Variants in ARHGEF40 observed in about 807,000 individuals in gnomAD.
ARHGEF40 encodes the protein Rho guanine nucleotide exchange factor 40.
Under a neutral mutation model 165.9 loss-of-function variants are expected in ARHGEF40, and 98 were observed. The ratio of observed to expected loss-of-function variants is 0.59; its 90% CI spans 0.50 to 0.70. The LOEUF (loss-of-function observed/expected upper bound fraction) is 0.70, where lower values mean the gene tolerates loss of function less well. Ranked by LOEUF, ARHGEF40 falls within the 30% of genes least tolerant of loss-of-function variation. The pLI, the probability that ARHGEF40 is intolerant of heterozygous loss-of-function variation, is 0.00. For synonymous variants in ARHGEF40, 792 were observed against 814.3 expected, an observed-to-expected ratio of 0.97 and a Z score of 0.47; for missense variants, 1,815 against 1,968.0, an observed-to-expected ratio of 0.92 and a Z score of 1.47.
chr14:21,084,510 G>A (rs1696502323), intron 17 of ARHGEF40, among the ~76,000 whole-genome samples: 1 of 152,102 alleles, frequency 6.6e-6, no homozygotes, highest in African/African-American at 2.4e-5. Context: ...TTCCCCACAG[G>A]TGGCTATAAA....
At chr14:21,086,904 A>G (rs7342537) in intron 19 of ARHGEF40, 97 bp from the exon 20 acceptor site, 16,469 of 965,532 alleles carry the variant, frequency 0.017, 260 homozygotes, top group East Asian at 0.031. Context: ...ATTGGGAAGG[A>G]ACGAAAAAAA....
Position 21,075,139 on chromosome 14 carries a change from G to A in ARHGEF40, c.1409G>A (p.Gly470Glu). The A allele has an allele frequency of 6.2e-7, 1 of 1,610,726 alleles. No homozygotes were observed. Among genetic ancestry groups the A allele is most frequent in the Middle Eastern group, 1.8e-4 (1 of 5,646 alleles). Residue 470 changes from glycine to glutamate, a missense_variant, in exon 3 of 24, where the codon GGA (glycine) becomes GAA (glutamate). By Grantham distance (98) the Gly-to-Glu change is moderately conservative. Coordinates refer to ENST00000298694, the MANE Select transcript of ARHGEF40 (RefSeq NM_018071.5). The surrounding 1 kb of genome is among the most constrained non-coding windows in gnomAD (Gnocchi z 4.5). ...TGTGGGCCTACAGAAGAGGGGGCCG[G>A]AGAGAGAGAGCTGGAGGGGCCAGGC... ...EACGPTEEGA[G>E]ERELEGPGLL...
Position 21,089,204 on chromosome 14 carries a change from T to C in ARHGEF40, c.*196T>C. The C allele has an allele frequency of 3.5e-6, 1 of 285,720 alleles. No individual in the cohort carries two copies. Among genetic ancestry groups the C allele is most frequent in the Non-Finnish European group, 6.6e-6 (1 of 152,458 alleles). 17.7% of individuals were successfully genotyped at this position (285,720 alleles called of 1,614,324 possible). ...GTCTCCCTAGCTTGGTGCCTTCTCC[T>C]GCAGGAGTCAGAGCAGCCACATTGC... On this transcript the variant is annotated 3_prime_UTR_variant, in exon 24 of 24. Transcript: ENST00000298694.
chr14:21,063,273 G>A, the ARHGEF40 span, among the ~76,000 whole-genome samples: 1 of 152,162 alleles, frequency 6.6e-6, no homozygotes, highest in African/African-American at 2.4e-5. Context: ...TTCAGGGTGA[G>A]GAAGTAAAGT....
intron 18 of ARHGEF40, among the ~76,000 whole-genome samples, chr14:21,085,313 G>T (rs1026988526): frequency 2.6e-5 from 4 of 152,182 alleles, no homozygotes; most frequent in Non-Finnish European, 5.9e-5. Flanking sequence ...TTGATATCCA[G>T]ATAAGCATTT....
intron 11 of ARHGEF40, among the ~76,000 whole-genome samples, chr14:21,080,216 AC>A (rs1887774022): frequency 7.4e-6 from 1 of 135,464 alleles, no homozygotes; most frequent in Non-Finnish European, 1.6e-5. Flanking sequence ...ACACACACAC[AC>A]ACACACACAC....
At chr14:21,080,636 G>A (rs1465388075) in intron 11 of ARHGEF40, 24 bp from the exon 12 acceptor site, 1 of 1,599,258 alleles carries the variant, frequency 6.3e-7, no homozygotes, top group Admixed American at 1.7e-5. Context: ...ATGACCCCCT[G>A]CCCTCCCACC....
Position 21,070,839 on chromosome 14 carries a change from C to T in ARHGEF40, c.3+440C>T. ...TCATGAGAACTGACCTGCATGGAACCACCATTTTCCATCCCTGTCCCCAAC... is the reference window on the plus strand; with the variant it reads ...TCATGAGAACTGACCTGCATGGAACTACCATTTTCCATCCCTGTCCCCAAC... On this transcript the variant is annotated intron_variant, in intron 1 of 23. Coordinates refer to ENST00000298694, the MANE Select transcript of ARHGEF40 (RefSeq NM_018071.5). This position sits in a 1 kb window ranked among gnomAD's most constrained non-coding sequence, Gnocchi z 4.7. 1 of 1,535,622 alleles carries T rather than the reference C, an allele frequency of 6.5e-7. No homozygotes were observed. Among genetic ancestry groups the T allele is most frequent in the Non-Finnish European group, 8.7e-7 (1 of 1,146,834 alleles).
At chr14:21,087,175 G>GT in intron 20 of ARHGEF40, 70 bp downstream of exon 20, 1 of 1,591,256 alleles carries the variant, frequency 6.3e-7, no homozygotes, top group Non-Finnish European at 8.6e-7. Context: ...CAAAGGGGAG[G>GT]TATGGTGGAA....
chr14:21,087,605 G>T, intron 21 of ARHGEF40, 142 bp downstream of exon 21: 3 of 1,227,838 alleles, frequency 2.4e-6, no homozygotes, highest in Non-Finnish European at 3.3e-6. Flanking sequence ...ACCGCTAAAA[G>T]AGCCTTCCAT....
rs1886717636 is a variant in ARHGEF40 at position 21,070,763 on chromosome 14, C to T, written c.3+364C>T. On this transcript the variant is annotated intron_variant, in intron 1 of 23. Coordinates refer to ENST00000298694, the MANE Select transcript of ARHGEF40 (RefSeq NM_018071.5). The surrounding 1 kb of genome is among the most constrained non-coding windows in gnomAD (Gnocchi z 4.7). ...GTCCGAGCTCCTTACCCGCGGGAGA[C>T]CCCTGCGGGTTGGTCCTGCAGCGAC... The T allele has an allele frequency of 4.6e-6, 7 of 1,512,314 alleles. No individual in the cohort carries two copies. The highest frequency in any genetic ancestry group is 6.2e-6 in the Non-Finnish European group (7 of 1,126,450). The allele number at this position is 1,512,314 out of a possible 1,614,324, so 93.7% of individuals were successfully genotyped here. A position where few individuals can be genotyped will look rare whatever the true frequency, so the allele number is the denominator to read the frequency against.
At chr14:21,085,633 C>T (rs1455699592) in intron 18 of ARHGEF40, 56 bp from the exon 19 acceptor site, 22 of 1,568,774 alleles carry the variant, frequency 1.4e-5, no homozygotes, top group Admixed American at 1.1e-4. Flanking sequence ...TGCCATGTGG[C>T]GCCACCCAGC....
chr14:21,082,240 G>T lies in ARHGEF40; in HGVS notation c.3252-4G>T. 6.2e-7 allele frequency: 1 copy of T among 1,603,908 alleles called. No individual in the cohort carries two copies. The highest frequency in any genetic ancestry group is 8.5e-7 in the Non-Finnish European group (1 of 1,173,004). ...CTCCTCTGCCACTCCTATTGTGCCT[G>T]CAGTGCCCAGCAGCGGCTGGTGTCT... is the stretch of plus-strand genomic sequence containing the variant. On this transcript the variant is annotated splice_region_variant and splice_polypyrimidine_tract_variant and intron_variant, in intron 14 of 23. Coordinates refer to ENST00000298694, the MANE Select transcript of ARHGEF40 (RefSeq NM_018071.5).
rs374181422 is a variant in ARHGEF40 at position 21,082,231 on chromosome 14, A to G, written c.3252-13A>G. 382 of 1,600,050 alleles carry G rather than the reference A, an allele frequency of 2.4e-4. 2 individuals carry two copies. The highest frequency in any genetic ancestry group is 2.2e-4 in the Non-Finnish European group (253 of 1,170,546). ...CTCCCACACCTCCTCTGCCACTCCTATTGTGCCTGCAGTGCCCAGCAGCGG... is the reference window on the plus strand; with the variant it reads ...CTCCCACACCTCCTCTGCCACTCCTGTTGTGCCTGCAGTGCCCAGCAGCGG... On this transcript the variant is annotated splice_polypyrimidine_tract_variant and intron_variant, in intron 14 of 23. Transcript: ENST00000298694.
At chr14:21,078,297 G>A in intron 9 of ARHGEF40, 25 bp downstream of exon 9, 4 of 1,611,246 alleles carry the variant, frequency 2.5e-6, no homozygotes, top group Non-Finnish European at 3.4e-6. Context: ...GGGACAGTGG[G>A]GGGATGGGAT....
chr14:21,065,998 C>T (rs1886242656), upstream of ARHGEF40, among the ~76,000 whole-genome samples: 2 of 152,184 alleles, frequency 1.3e-5, no homozygotes, highest in South Asian at 4.1e-4. Context: ...ACTTGGGAAG[C>T]TGAGGCACCA....
Position 21,080,743 on chromosome 14 carries a change from G to C in ARHGEF40, c.2457G>C (p.Glu819Asp). ...MPGDTLSALQ[E>D]TELRFRAFSA... Reference sequence around the variant, plus strand: ...GGGACACCTTGTCTGCCCTGCAGGAGACAGAGCTGCGATTCCGTGCTTTCA... The same window carrying C: ...GGGACACCTTGTCTGCCCTGCAGGACACAGAGCTGCGATTCCGTGCTTTCA... Residue 819 changes from glutamate to aspartate, a missense_variant, in exon 12 of 24, where the codon GAG becomes GAC. By Grantham distance (45) the Glu-to-Asp change is conservative. Coordinates refer to ENST00000298694, the MANE Select transcript of ARHGEF40 (RefSeq NM_018071.5). The C allele has an allele frequency of 6.2e-7, 1 of 1,611,346 alleles. No individual in the cohort carries two copies. Among genetic ancestry groups the C allele is most frequent in the Non-Finnish European group, 8.5e-7 (1 of 1,178,480 alleles).
chr14:21,079,057 C>T (rs1887665042), intron 11 of ARHGEF40, 47 bp downstream of exon 11: 1 of 1,577,378 alleles, frequency 6.3e-7, no homozygotes, highest in Non-Finnish European at 8.6e-7. Context: ...GGGAGTGTGG[C>T]CTCCAGCACC....
chr14:21,074,649 G>C lies in ARHGEF40; in HGVS notation c.919G>C (p.Gly307Arg). The C allele has an allele frequency of 2.6e-6, 4 of 1,566,176 alleles. No individual in the cohort carries two copies. The highest frequency in any genetic ancestry group is 3.5e-6 in the Non-Finnish European group (4 of 1,157,076). ...PRGQDGARPP[G>R]EGSSTGASPE... Reference sequence around the variant, plus strand: ...GGGCCAGGATGGAGCACGCCCACCCGGCGAGGGGAGCAGCACCGGAGCCTC... The same window carrying C: ...GGGCCAGGATGGAGCACGCCCACCCCGCGAGGGGAGCAGCACCGGAGCCTC... Residue 307 changes from glycine to arginine, a missense_variant, in exon 3 of 24, where the codon GGC becomes CGC. Coordinates refer to ENST00000298694, the MANE Select transcript of ARHGEF40 (RefSeq NM_018071.5). The surrounding 1 kb of genome is among the most constrained non-coding windows in gnomAD (Gnocchi z 4.8).
Sources: gnomAD v4.1 joint callset for allele counts (sites outside exome capture counted in the v4.1 genomes callset) on GRCh38, gnomAD v4.1.1 for gene constraint, Gnocchi (gnomAD v3.1) non-coding constraint, MANE v1.5 for transcripts, NCBI Gene and HGNC (gene_info 2026-07-23, HGNC 2026-07-21) for gene names.